Variants in ARL15 observed in about 807,000 individuals in gnomAD.
ARL15 encodes ADP-ribosylation factor-like protein 15.
Under a neutral mutation model 25.2 loss-of-function variants are expected in ARL15, and 19 were observed. The observed-to-expected ratio is 0.75, with a 90% CI of 0.53 to 1.10. The LOEUF (loss-of-function observed/expected upper bound fraction) is 1.10. Ranked by LOEUF, ARL15 falls within the 50% of genes least tolerant of loss-of-function variation. The probability of loss-of-function intolerance (pLI) is 0.00; values close to 1 mark genes in which losing one functional copy is unlikely to be tolerated. For missense variants in ARL15, 220 were observed against 246.0 expected (o/e 0.89, Z 0.71); for synonymous variants, 94 against 86.8 (o/e 1.08, Z -0.46).
chr5:54,117,711 C>T (rs1161459489), intron 3 of ARL15, among the ~76,000 whole-genome samples: 1 of 152,146 alleles, frequency 6.6e-6, no homozygotes, highest in African/African-American at 2.4e-5. Flanking sequence ...CTTCACACAA[C>T]TCCATTTTTA....
At chr5:54,093,441 TC>T (rs913113366) in intron 4 of ARL15, among the ~76,000 whole-genome samples, 17 of 152,148 alleles carry the variant, frequency 1.1e-4, no homozygotes, top group African/African-American at 4.1e-4. Flanking sequence ...CTGCTCATTC[TC>T]CCTGCACTCA....
intron 1 of ARL15, among the ~76,000 whole-genome samples, chr5:54,181,538 G>C (rs1040197383): frequency 6.6e-6 from 1 of 152,158 alleles, no homozygotes; most frequent in Non-Finnish European, 1.5e-5. Context: ...TTCTAAACAG[G>C]AAGTAGGCCA....
chr5:54,150,223 A>C (rs1424568540), intron 3 of ARL15, among the ~76,000 whole-genome samples: 2 of 152,242 alleles, frequency 1.3e-5, no homozygotes, highest in African/African-American at 4.8e-5. Flanking sequence ...TGAATTACAA[A>C]GAATAAACGA....
chr5:54,040,736 C>T (rs1252359912), intron 4 of ARL15, among the ~76,000 whole-genome samples: 1 of 152,002 alleles, frequency 6.6e-6, no homozygotes, highest in Non-Finnish European at 1.5e-5. Flanking sequence ...CTTCTGGGTG[C>T]TATTGACATA....
chr5:54,161,998 T>TACACACAC (rs3839223), intron 2 of ARL15, among the ~76,000 whole-genome samples: 1,894 of 144,634 alleles, frequency 0.013, 29 homozygotes, highest in African/African-American at 0.039. Context: ...CACACACACA[T>TACACACAC]ACACACACAC....
intron 1 of ARL15, among the ~76,000 whole-genome samples, chr5:54,207,600 C>T (rs767070323): frequency 2.0e-5 from 3 of 152,118 alleles, no homozygotes; most frequent in Non-Finnish European, 2.9e-5. Flanking sequence ...AAGATAAACA[C>T]ACTTGGACAT....
At chr5:54,008,839 G>A (rs1749134875) in intron 4 of ARL15, among the ~76,000 whole-genome samples, 1 of 152,114 alleles carries the variant, frequency 6.6e-6, no homozygotes, top group Non-Finnish European at 1.5e-5. Context: ...ACGTTAATAA[G>A]ATAAAATGTC....
At chr5:54,136,531 G>A (rs901168556) in intron 3 of ARL15, among the ~76,000 whole-genome samples, 1 of 151,990 alleles carries the variant, frequency 6.6e-6, no homozygotes, top group Non-Finnish European at 1.5e-5. Context: ...GCATCACAGT[G>A]TCAAGATTCA....
intron 3 of ARL15, among the ~76,000 whole-genome samples, chr5:54,134,574 T>A (rs1195661677): frequency 1.5e-4 from 17 of 116,736 alleles, no homozygotes; most frequent in Non-Finnish European, 2.5e-4. Flanking sequence ...TTAGCTTTTT[T>A]TTTTTTTTTT....
chr5:54,103,894 T>C (rs1752512160), intron 4 of ARL15, among the ~76,000 whole-genome samples: 1 of 152,330 alleles, frequency 6.6e-6, no homozygotes, highest in South Asian at 2.1e-4. Flanking sequence ...TCAAAGTCAC[T>C]GCCAGAAATG....
chr5:54,293,149 GCA>G (rs1442035459), intron 1 of ARL15, among the ~76,000 whole-genome samples: 1 of 152,100 alleles, frequency 6.6e-6, no homozygotes, highest in African/African-American at 2.4e-5. Flanking sequence ...GCTCAACATT[GCA>G]CAGTGAGCTA....
At chr5:53,960,716 G>A (rs1362735557) in intron 4 of ARL15, among the ~76,000 whole-genome samples, 1 of 152,184 alleles carries the variant, frequency 6.6e-6, no homozygotes, top group African/African-American at 2.4e-5. Flanking sequence ...TCTTTGTGGA[G>A]GTGAGGGTTA....
intron 4 of ARL15, among the ~76,000 whole-genome samples, chr5:53,985,349 A>T (rs1402410217): frequency 6.6e-6 from 1 of 152,226 alleles, no homozygotes; most frequent in Non-Finnish European, 1.5e-5. Context: ...TTAAGTGTAC[A>T]GTTCAGCGCT....
intron 1 of ARL15, among the ~76,000 whole-genome samples, chr5:54,291,791 C>T (rs1263246326): frequency 3.3e-5 from 5 of 152,178 alleles, no homozygotes. Context: ...CTGGTGCTAT[C>T]ACCTCCTGCT....
intron 4 of ARL15, among the ~76,000 whole-genome samples, chr5:54,046,224 T>C (rs1393040997): frequency 6.6e-6 from 1 of 152,206 alleles, no homozygotes; most frequent in Non-Finnish European, 1.5e-5. Flanking sequence ...CTTACACCTG[T>C]AATCCCAGCA....
At chr5:54,180,103 T>C (rs977533440) in intron 1 of ARL15, among the ~76,000 whole-genome samples, 3 of 152,004 alleles carry the variant, frequency 2.0e-5, no homozygotes, top group Non-Finnish European at 4.4e-5. Context: ...AAAATCTCTT[T>C]TGAAACAGCC....
chr5:54,065,071 A>G (rs1054001598), intron 4 of ARL15, among the ~76,000 whole-genome samples: 4 of 152,228 alleles, frequency 2.6e-5, no homozygotes, highest in African/African-American at 9.6e-5. Context: ...GATATAATGT[A>G]CATTAAAATG....
At chr5:53,951,659 T>C (rs1746967564) in intron 4 of ARL15, 2 of 404,018 alleles carry the variant, frequency 5.0e-6, no homozygotes, top group Admixed American at 4.2e-5. Flanking sequence ...ATTTTCGATA[T>C]GATGACCACT....
chr5:54,200,395 T>C (rs1455376621), intron 1 of ARL15, among the ~76,000 whole-genome samples: 2 of 151,642 alleles, frequency 1.3e-5, no homozygotes, highest in Admixed American at 1.3e-4. Flanking sequence ...TGTATCAAAA[T>C]GACAAGTCCT....
Sources: gnomAD v4.1 joint callset for allele counts (sites outside exome capture counted in the v4.1 genomes callset) on GRCh38, gnomAD v4.1.1 for gene constraint, MANE v1.5 for transcripts, NCBI Gene and HGNC (gene_info 2026-07-23, HGNC 2026-07-21) for gene names.